Variants in PPFIBP2 observed in about 807,000 individuals in gnomAD.
The protein encoded by PPFIBP2 is liprin-beta-2.
A neutral mutation model predicts 118.3 loss-of-function variants in PPFIBP2; 118 were observed. That is an observed-to-expected ratio of 1.00 (90% CI 0.86 to 1.16). The LOEUF (loss-of-function observed/expected upper bound fraction) is 1.16. Ranked by LOEUF, PPFIBP2 falls within the 50% of genes most tolerant of loss-of-function variation. PPFIBP2 has a pLI of 0.00. For missense variants in PPFIBP2, 1,195 were observed against 1,073.1 expected (o/e 1.11, Z -1.59); for synonymous variants, 414 against 397.4 (o/e 1.04, Z -0.50).
chr11:7,529,897 CT>C (rs1850543886), intron 1 of PPFIBP2, among the ~76,000 whole-genome samples: 1 of 152,236 alleles, frequency 6.6e-6, no homozygotes, highest in Non-Finnish European at 1.5e-5. Context: ...TGGCCCTAAC[CT>C]TGCCCTGTTT....
chr11:7,520,734 C>G (rs1412568480), intron 1 of PPFIBP2, among the ~76,000 whole-genome samples: 1 of 152,152 alleles, frequency 6.6e-6, no homozygotes. Context: ...TTTGTTTATT[C>G]CTGAGTCACT....
intron 1 of PPFIBP2, among the ~76,000 whole-genome samples, chr11:7,537,582 C>T (rs981865355): frequency 2.6e-5 from 4 of 152,210 alleles, no homozygotes; most frequent in Non-Finnish European, 5.9e-5. Context: ...TTTACGTTTA[C>T]TTCTTAGACC....
At chr11:7,550,986 C>T (rs7131081) in intron 2 of PPFIBP2, among the ~76,000 whole-genome samples, 58,085 of 151,776 alleles carry the variant, frequency 0.38, 11,721 homozygotes, top group African/African-American at 0.51. Flanking sequence ...ATTGTGGGAC[C>T]TTGTGGTCGT....
the PPFIBP2 span, chr11:7,665,465 A>C: frequency 6.2e-7 from 1 of 1,613,830 alleles, no homozygotes; most frequent in African/African-American, 1.3e-5. Context: ...GCCACACACC[A>C]GGATGAGCGT....
chr11:7,587,192 A>G (rs1227472651), intron 3 of PPFIBP2, among the ~76,000 whole-genome samples: 2 of 152,190 alleles, frequency 1.3e-5, no homozygotes, highest in Non-Finnish European at 2.9e-5. Flanking sequence ...TCCACACACA[A>G]AGGACACTGA....
intron 3 of PPFIBP2, chr11:7,571,551 A>G (rs1855651692): frequency 6.6e-6 from 1 of 152,254 alleles, no homozygotes; most frequent in African/African-American, 2.4e-5. Context: ...TGTGTGTTGA[A>G]CATTTCAATT....
intron 2 of PPFIBP2, 115 bp from the exon 3 acceptor site, chr11:7,565,438 C>G: frequency 9.2e-7 from 1 of 1,082,468 alleles, no homozygotes; most frequent in Non-Finnish European, 1.4e-6. Flanking sequence ...GCCCAGCTCA[C>G]CCCCAGCTTC....
chr11:7,622,254 T>A (rs1849436576), intron 7 of PPFIBP2, among the ~76,000 whole-genome samples: 1 of 152,266 alleles, frequency 6.6e-6, no homozygotes, highest in South Asian at 2.1e-4. Flanking sequence ...CCACCAGATC[T>A]CGTGAGAACT....
chr11:7,632,615 A>G (rs1321095215), intron 11 of PPFIBP2: 1 of 407,942 alleles, frequency 2.5e-6, no homozygotes, highest in East Asian at 4.7e-5. Context: ...TCAGGACTGT[A>G]CTACTGGGAT....
rs549289689 is a variant in PPFIBP2 at position 7,527,239 on chromosome 11, G to A, written c.-37+13118G>A. On this transcript the variant is annotated intron_variant, in intron 1 of 23. Coordinates refer to ENST00000299492, the MANE Select transcript of PPFIBP2 (RefSeq NM_003621.5). ...ATTCAAGTAGGCTGAGGTTTTGGGT[G>A]GGGTGTGGTGTATGGGAGGAGAGAG... 1.7e-4 allele frequency among the ~76,000 whole-genome samples: 26 copies of A among 152,170 alleles called. No individual in the cohort carries two copies. The South Asian group carries it at 5.2e-3, about 30-fold the overall frequency.
At chr11:7,666,367 CAAAACAA>C in the PPFIBP2 span, 1 of 900,468 alleles carries the variant, frequency 1.1e-6, no homozygotes. Flanking sequence ...AAAACTAAAA[CAAAACAA>C]AGAGACAGAG....
chr11:7,562,384 A>G (rs921108589), intron 2 of PPFIBP2, among the ~76,000 whole-genome samples: 2 of 152,192 alleles, frequency 1.3e-5, no homozygotes, highest in East Asian at 3.9e-4. Flanking sequence ...TCCTTATAAC[A>G]TGGCAGCAGC....
At position 7,653,086 on chromosome 11, in the gene PPFIBP2, G is replaced by C; in HGVS notation, c.2499G>C (p.Thr833=). 1 of 1,613,844 alleles carries C rather than the reference G, an allele frequency of 6.2e-7. No homozygotes were observed. Among genetic ancestry groups the C allele is most frequent in the Non-Finnish European group, 8.5e-7 (1 of 1,179,746 alleles). The change falls in exon 24 of 24, where the codon ACG becomes ACC. Residue 833 remains threonine (T), a synonymous_variant. Coordinates refer to ENST00000299492, the MANE Select transcript of PPFIBP2 (RefSeq NM_003621.5). ...GAAAAAAGAAGTTCGATGAATCGAC[G>C]GACTACATTTGCCCAATGGAGCCCA... ...NIRKKKFDES[T]DYICPMEPSD...
At chr11:7,549,630 T>G in intron 2 of PPFIBP2, 91 bp downstream of exon 2, 3 of 1,205,904 alleles carry the variant, frequency 2.5e-6, no homozygotes, top group Admixed American at 3.2e-5. Context: ...TTTTTTGGCA[T>G]AGAGAAAATC....
At chr11:7,651,287 C>T (rs1486382420) in intron 22 of PPFIBP2, 1 of 331,174 alleles carries the variant, frequency 3.0e-6, no homozygotes, top group African/African-American at 2.1e-5. Flanking sequence ...AAAAATGCAG[C>T]TTCCCACTTG....
downstream of PPFIBP2, chr11:7,655,361 G>T: frequency 8.6e-7 from 1 of 1,167,938 alleles, no homozygotes; most frequent in Non-Finnish European, 1.1e-6. Flanking sequence ...AGCACGACAG[G>T]ACTTGCATGC....
intron 2 of PPFIBP2, among the ~76,000 whole-genome samples, chr11:7,562,950 TATATATATATATATATATATATATATAC>T (rs1210392385): frequency 3.2e-5 from 1 of 31,368 alleles, no homozygotes; most frequent in African/African-American, 2.4e-4. Context: ...TATATATATA[TATATATATATATATATATATATATATAC>T]ACGCACACAC....
rs775981971 is a variant in PPFIBP2, at chr11:7,650,937, G to A, written c.2219G>A (p.Arg740Gln). 4.3e-5 allele frequency: 69 copies of A among 1,613,788 alleles called. No individual in the cohort carries two copies. Among genetic ancestry groups the A allele is most frequent in the Non-Finnish European group, 5.6e-5 (66 of 1,179,854 alleles). The change falls in exon 22 of 24, where the codon CGA (arginine) becomes CAA (glutamine). Residue 740 changes from arginine to glutamine, a missense_variant. Arg to Gln is a conservative substitution (Grantham distance 43). Transcript: ENST00000299492. ...VDLAEYAPNL[R>Q]GSGVHGGLII... ...CTGGCAGAGTATGCACCCAATCTTC[G>A]AGGGAGTGGAGTCCATGGAGGCCTC... is the stretch of plus-strand genomic sequence containing the variant.
chr11:7,523,558 C>T (rs1317390162), intron 1 of PPFIBP2, among the ~76,000 whole-genome samples: 1 of 152,154 alleles, frequency 6.6e-6, no homozygotes, highest in Admixed American at 6.5e-5. Context: ...GTGCACGAGC[C>T]TGCTCACCCA....
Sources: gnomAD v4.1 joint callset for allele counts (sites outside exome capture counted in the v4.1 genomes callset) on GRCh38, gnomAD v4.1.1 for gene constraint, MANE v1.5 for transcripts, NCBI Gene and HGNC (gene_info 2026-07-23, HGNC 2026-07-21) for gene names.